Variants in UBAC2 observed in about 807,000 individuals in gnomAD.
The protein encoded by UBAC2 is UBA domain containing 2.
A neutral mutation model predicts 44.0 loss-of-function variants in UBAC2; 26 were observed. The ratio of observed to expected loss-of-function variants is 0.59; its 90% CI spans 0.43 to 0.82. The LOEUF (loss-of-function observed/expected upper bound fraction) is 0.82, where lower values mean the gene tolerates loss of function less well. UBAC2 is among the 40% of genes least tolerant of loss of function. The pLI, the probability that UBAC2 is intolerant of heterozygous loss-of-function variation, is 0.00. For synonymous variants in UBAC2, 155 were observed against 154.3 expected (o/e 1.00, Z -0.04); for missense variants, 329 against 419.4 (o/e 0.78, Z 1.88).
intron 1 of UBAC2, among the ~76,000 whole-genome samples, chr13:99,227,839 T>A (rs2043128049): frequency 6.6e-6 from 1 of 152,166 alleles, no homozygotes; most frequent in Non-Finnish European, 1.5e-5. Context: ...CATTTATTCA[T>A]TTGGTGCATG....
At chr13:99,249,803 G>A (rs1002083147) in intron 4 of UBAC2, among the ~76,000 whole-genome samples, 3 of 151,904 alleles carry the variant, frequency 2.0e-5, no homozygotes, top group Admixed American at 6.5e-5. Context: ...TTGTGGTTTT[G>A]ATTTGCATTT....
intron 2 of UBAC2, among the ~76,000 whole-genome samples, chr13:99,242,955 C>T (rs565031028): frequency 4.7e-5 from 7 of 150,352 alleles, no homozygotes; most frequent in East Asian, 4.0e-4. Context: ...GATGGGATGG[C>T]GGCCGGGAAG....
At chr13:99,227,348 C>G (rs78739367) in intron 1 of UBAC2, among the ~76,000 whole-genome samples, 4,646 of 152,292 alleles carry the variant, frequency 0.031, 92 homozygotes, top group Middle Eastern at 0.13. Flanking sequence ...GAGGGGTCCA[C>G]TCCACACTGT....
chr13:99,352,106 G>A (rs2045102132), intron 7 of UBAC2, among the ~76,000 whole-genome samples: 1 of 152,132 alleles, frequency 6.6e-6, no homozygotes, highest in East Asian at 1.9e-4. Flanking sequence ...AATCATGAGA[G>A]TTCCTATCAT....
intron 1 of UBAC2, chr13:99,201,327 G>A: frequency 2.6e-6 from 4 of 1,516,358 alleles, no homozygotes; most frequent in Non-Finnish European, 3.5e-6. Context: ...ATTCTTTTAG[G>A]CTTGGGGGAC....
Position 99,250,007 on chromosome 13 carries a change from G to A in UBAC2, c.389+5383G>A, listed in dbSNP as rs72648087. The stretch of plus-strand genomic sequence containing the variant: ...TGTGAGTATTTTCTCCCATTTTATA[G>A]GTTGTTTGTTTACTCTGTTGATAGT... On this transcript the variant is annotated intron_variant, in intron 4 of 8. Coordinates refer to ENST00000403766, the MANE Select transcript of UBAC2 (RefSeq NM_001144072.2). 7.2e-3 allele frequency among the ~76,000 whole-genome samples: 1,096 copies of A among 152,232 alleles called. 6 individuals carry two copies. Among genetic ancestry groups the A allele is most frequent in the Non-Finnish European group, 0.012 (805 of 67,998 alleles).
intron 4 of UBAC2, among the ~76,000 whole-genome samples, chr13:99,277,888 C>G (rs781381681): frequency 1.3e-5 from 2 of 152,140 alleles, no homozygotes; most frequent in Non-Finnish European, 2.9e-5. Flanking sequence ...CTTGCTTAGT[C>G]TCGGGATCCA....
intron 1 of UBAC2, among the ~76,000 whole-genome samples, chr13:99,224,338 G>T (rs150532581): frequency 8.5e-5 from 13 of 152,060 alleles, no homozygotes; most frequent in Non-Finnish European, 1.8e-4. Flanking sequence ...CTCTTTAAAG[G>T]GCCTATCTCC....
At chr13:99,299,786 T>TA (rs1205134241) in intron 4 of UBAC2, among the ~76,000 whole-genome samples, 7 of 152,204 alleles carry the variant, frequency 4.6e-5, no homozygotes, top group African/African-American at 1.7e-4. Context: ...ACAGCAGCCC[T>TA]ATGAGCTTGA....
At chr13:99,227,080 C>T (rs577985643) in intron 1 of UBAC2, among the ~76,000 whole-genome samples, 2 of 152,044 alleles carry the variant, frequency 1.3e-5, no homozygotes, top group Admixed American at 6.5e-5. Context: ...TGCCTGTAAT[C>T]CCAGCTACTC....
chr13:99,293,370 TACTCCAGTGTAGTCACAGAACCAGGGC>T (rs2044120861), intron 4 of UBAC2, among the ~76,000 whole-genome samples: 1 of 152,210 alleles, frequency 6.6e-6, no homozygotes, highest in South Asian at 2.1e-4. Flanking sequence ...AAGGCGTCTC[TACTCCAGTGTAGTCACAGAACCAGGGC>T]ACCACAGAGA....
At position 99,306,524 on chromosome 13, in the gene UBAC2, A is replaced by AAC. The variant is rs150201902; in HGVS notation, c.390-7563_390-7562dup. Reference sequence around the variant, plus strand: ...ACAAAATACCACGCCCCCCTCCCCCAACACACACACAAACACACATATATA... The same window carrying AAC: ...ACAAAATACCACGCCCCCCTCCCCCAACACACACACACAAACACACATATATA... On this transcript the variant is annotated intron_variant, in intron 4 of 8. Coordinates refer to ENST00000403766, the MANE Select transcript of UBAC2 (RefSeq NM_001144072.2). Among the ~76,000 whole-genome samples the AAC allele has an allele frequency of 9.2e-4, 139 of 151,846 alleles. 5 individuals carry two copies. In the East Asian group the frequency reaches 0.027, roughly 29 times the overall value.
At chr13:99,248,969 A>G (rs1453901937) in intron 4 of UBAC2, among the ~76,000 whole-genome samples, 1 of 152,116 alleles carries the variant, frequency 6.6e-6, no homozygotes, top group African/African-American at 2.4e-5. Context: ...TGCAAGCTGG[A>G]AATCTTTCAT....
chr13:99,255,821 G>T lies in UBAC2; in HGVS notation c.389+11197G>T, dbSNP rs138394107. 3 of 1,606,358 alleles carry T rather than the reference G, an allele frequency of 1.9e-6. No homozygotes were observed. The East Asian group carries it at 6.7e-5, about 36-fold the overall frequency. ...AGGGCTGCAATTTTGTATTCATCTGGATGTGAGCTGTTAAAAGGGACAGGT... is the reference window on the plus strand; with the variant it reads ...AGGGCTGCAATTTTGTATTCATCTGTATGTGAGCTGTTAAAAGGGACAGGT... On this transcript the variant is annotated intron_variant, in intron 4 of 8. Coordinates refer to ENST00000403766, the MANE Select transcript of UBAC2 (RefSeq NM_001144072.2).
intron 4 of UBAC2, among the ~76,000 whole-genome samples, chr13:99,266,054 A>C (rs765056201): frequency 6.6e-6 from 1 of 152,162 alleles, no homozygotes; most frequent in Non-Finnish European, 1.5e-5. Flanking sequence ...CTGTGCTTCT[A>C]CTGCCACCTA....
In UBAC2 at chr13:99,223,550, T is replaced by G. The variant is rs1452124842; in HGVS notation, c.32-14877T>G. Among the ~76,000 whole-genome samples, 19 of 147,530 alleles carry G rather than the reference T, an allele frequency of 1.3e-4. No homozygotes were observed. The East Asian group carries it at 2.0e-3, about 15-fold the overall frequency. The stretch of plus-strand genomic sequence containing the variant: ...CTTCTTTCTCTTTTTCTGTTTTTTT[T>G]TTTTTTTTTTTTTTTTAAGATTGTA... On this transcript the variant is annotated intron_variant, in intron 1 of 8. Transcript: ENST00000403766.
intron 4 of UBAC2, among the ~76,000 whole-genome samples, chr13:99,251,420 A>C (rs898387770): frequency 6.6e-6 from 1 of 152,144 alleles, no homozygotes; most frequent in South Asian, 2.1e-4. Context: ...TTAGTAATTC[A>C]AAGTCCTAAA....
At chr13:99,307,496 GT>G (rs2044353183) in intron 4 of UBAC2, 1 of 151,584 alleles carries the variant, frequency 6.6e-6, no homozygotes, top group Non-Finnish European at 1.5e-5. Context: ...GACTGAGCAT[GT>G]AATGAGCAGT....
chr13:99,243,570 A>T (rs1242131247), intron 2 of UBAC2, among the ~76,000 whole-genome samples: 1 of 152,154 alleles, frequency 6.6e-6, no homozygotes, highest in Non-Finnish European at 1.5e-5. Context: ...TCTTATAGGC[A>T]GTTTTCTGTT....
Sources: allele counts gnomAD v4.1 joint callset (sites outside exome capture counted in the v4.1 genomes callset), GRCh38; gene constraint gnomAD v4.1.1; transcripts MANE v1.5; gene names NCBI Gene and HGNC (gene_info 2026-07-23, HGNC 2026-07-21).